Variants in NDUFAF2 observed in about 807,000 individuals in gnomAD.
NDUFAF2 encodes the protein NADH dehydrogenase [ubiquinone] 1 alpha subcomplex assembly factor 2.
A neutral mutation model predicts 22.8 loss-of-function variants in NDUFAF2; 13 were observed. The observed-to-expected ratio is 0.57, with a 90% CI of 0.37 to 0.91. NDUFAF2 has a LOEUF of 0.91. NDUFAF2 is among the 40% of genes least tolerant of loss of function. NDUFAF2 has a pLI of 0.01. For synonymous variants in NDUFAF2, 53 were observed against 64.2 expected, an observed-to-expected ratio of 0.83 and a Z score of 0.84; for missense variants, 162 against 195.2, an observed-to-expected ratio of 0.83 and a Z score of 1.01.
At chr5:61,132,468 G>C (rs1753124361) in intron 3 of NDUFAF2, among the ~76,000 whole-genome samples, 1 of 151,954 alleles carries the variant, frequency 6.6e-6, no homozygotes, top group African/African-American at 2.4e-5. Flanking sequence ...ATCACTGCTG[G>C]AACATCGCTG....
chr5:61,044,031 T>C (rs1283783379), intron 1 of NDUFAF2, among the ~76,000 whole-genome samples: 1 of 152,208 alleles, frequency 6.6e-6, no homozygotes, highest in African/African-American at 2.4e-5. Flanking sequence ...CTTTTGTCTT[T>C]TTGATACTAG....
intron 1 of NDUFAF2, among the ~76,000 whole-genome samples, chr5:61,016,802 A>G (rs907841298): frequency 2.0e-5 from 3 of 152,146 alleles, no homozygotes; most frequent in Admixed American, 2.0e-4. Flanking sequence ...CTCGATAATA[A>G]TTGAGTCTCA....
chr5:60,988,170 C>T (rs150782855), intron 1 of NDUFAF2, among the ~76,000 whole-genome samples: 83 of 152,040 alleles, frequency 5.5e-4, no homozygotes, highest in Non-Finnish European at 9.3e-4. Context: ...GAATGCAATC[C>T]CATTCACAAT....
At chr5:60,992,999 A>T (rs1751180860) in intron 1 of NDUFAF2, among the ~76,000 whole-genome samples, 1 of 152,148 alleles carries the variant, frequency 6.6e-6, no homozygotes, top group Non-Finnish European at 1.5e-5. Context: ...CGTTCCACAC[A>T]CTGGACCTGC....
At chr5:61,131,815 G>A (rs1394512476) in intron 3 of NDUFAF2, among the ~76,000 whole-genome samples, 2 of 151,906 alleles carry the variant, frequency 1.3e-5, no homozygotes, top group Admixed American at 1.3e-4. Context: ...ATATGCAGGG[G>A]GAAGTCTATA....
At chr5:60,959,897 T>C (rs900021579) in intron 1 of NDUFAF2, among the ~76,000 whole-genome samples, 1 of 152,146 alleles carries the variant, frequency 6.6e-6, no homozygotes, top group Non-Finnish European at 1.5e-5. Flanking sequence ...AAATATTTAA[T>C]TGTATTTTGT....
intron 1 of NDUFAF2, among the ~76,000 whole-genome samples, chr5:61,068,344 C>A (rs1053124797): frequency 6.6e-6 from 1 of 152,072 alleles, no homozygotes; most frequent in Non-Finnish European, 1.5e-5. Flanking sequence ...TATTAACACA[C>A]TTTTACAAGA....
intron 1 of NDUFAF2, among the ~76,000 whole-genome samples, chr5:61,013,677 G>A (rs1227079546): frequency 1.4e-5 from 2 of 147,488 alleles, no homozygotes; most frequent in Non-Finnish European, 3.0e-5. Context: ...ATATCTTTTG[G>A]TCCTAATGTT....
intron 3 of NDUFAF2, among the ~76,000 whole-genome samples, chr5:61,103,372 A>G (rs1380000423): frequency 2.0e-5 from 3 of 151,880 alleles, no homozygotes; most frequent in Non-Finnish European, 4.4e-5. Context: ...GCCCTTTAAA[A>G]TCCTTGGTTG....
intron 3 of NDUFAF2, among the ~76,000 whole-genome samples, chr5:61,105,446 C>G (rs1313707340): frequency 6.6e-6 from 1 of 150,838 alleles, no homozygotes; most frequent in African/African-American, 2.5e-5. Flanking sequence ...AAATGGACCT[C>G]CCACTCCTCA....
chr5:61,094,759 C>A (rs930186773), intron 2 of NDUFAF2, among the ~76,000 whole-genome samples: 7 of 152,212 alleles, frequency 4.6e-5, no homozygotes, highest in African/African-American at 9.6e-5. Flanking sequence ...AGTCCCTAGT[C>A]ACCTTGAATT....
At chr5:61,025,787 C>T (rs1176526291) in intron 1 of NDUFAF2, among the ~76,000 whole-genome samples, 2 of 151,766 alleles carry the variant, frequency 1.3e-5, no homozygotes, top group African/African-American at 4.8e-5. Context: ...TTGTTTACCA[C>T]TAATTACAAA....
intron 1 of NDUFAF2, among the ~76,000 whole-genome samples, chr5:60,982,736 T>G (rs1400480438): frequency 1.3e-5 from 2 of 152,014 alleles, no homozygotes; most frequent in African/African-American, 2.4e-5. Flanking sequence ...AACTCATCAA[T>G]TTTTATGGCT....
chr5:61,123,525 T>C (rs1345372695), intron 3 of NDUFAF2, among the ~76,000 whole-genome samples: 1 of 152,196 alleles, frequency 6.6e-6, no homozygotes, highest in Admixed American at 6.6e-5. Context: ...TCTTATATGC[T>C]ATTCATTGTT....
chr5:60,977,109 A>G (rs1452606706), intron 1 of NDUFAF2, among the ~76,000 whole-genome samples: 1 of 152,070 alleles, frequency 6.6e-6, no homozygotes, highest in African/African-American at 2.4e-5. Flanking sequence ...AATTAATATA[A>G]TATTAAAATA....
chr5:61,023,447 T>C (rs570269630), intron 1 of NDUFAF2, among the ~76,000 whole-genome samples: 54 of 152,220 alleles, frequency 3.5e-4, no homozygotes, highest in African/African-American at 1.2e-3. Flanking sequence ...TTTCTCCTCG[T>C]GATGGTTTCT....
chr5:60,963,941 CAG>C (rs1301225091), intron 1 of NDUFAF2, among the ~76,000 whole-genome samples: 6 of 152,106 alleles, frequency 3.9e-5, no homozygotes, highest in Non-Finnish European at 8.8e-5. Context: ...GCACACCAAT[CAG>C]AGGGAATAGC....
intron 1 of NDUFAF2, among the ~76,000 whole-genome samples, chr5:60,981,860 A>G (rs1227622141): frequency 2.0e-5 from 3 of 152,200 alleles, no homozygotes; most frequent in African/African-American, 7.2e-5. Flanking sequence ...AGGAAAAGAC[A>G]GTCTCTTTAA....
intron 1 of NDUFAF2, among the ~76,000 whole-genome samples, chr5:61,069,283 T>C (rs1204650432): frequency 2.6e-5 from 4 of 152,196 alleles, no homozygotes; most frequent in African/African-American, 9.6e-5. Context: ...TACCTGTCCA[T>C]AGGAGTTTCC....
Sources: gnomAD v4.1 joint callset for allele counts (sites outside exome capture counted in the v4.1 genomes callset) on GRCh38, gnomAD v4.1.1 for gene constraint, MANE v1.5 for transcripts, NCBI Gene and HGNC (gene_info 2026-07-23, HGNC 2026-07-21) for gene names.